The following MB21D2 variants were observed in gnomAD, a reference collection of about 807,000 sequenced individuals.
MB21D2 encodes nucleotidyltransferase MB21D2.
A neutral mutation model predicts 33.3 loss-of-function variants in MB21D2; 9 were observed. The ratio of observed to expected loss-of-function variants is 0.27; its 90% CI spans 0.16 to 0.47. The LOEUF is 0.47. Among genes scored for constraint, MB21D2 ranks in the 20% least tolerant of loss-of-function variants. The pLI is 0.99. For missense variants in MB21D2, 540 were observed against 624.6 expected (o/e 0.86, Z 1.44); for synonymous variants, 241 against 236.3 (o/e 1.02, Z -0.18).
intron 1 of MB21D2, among the ~76,000 whole-genome samples, chr3:192,899,292 G>A (rs945758036): frequency 7.2e-5 from 11 of 152,228 alleles, no homozygotes; most frequent in Non-Finnish European, 1.0e-4. Flanking sequence ...ACTTTGGGAA[G>A]CTGAGGTGGG....
rs190606523 is a variant in MB21D2 at position 192,810,898 on chromosome 3, T to C, written c.212-11248A>G. ...GAGTATGCTTGTGTGTGTGTGTGTGTGCGCACGCACATGTGCGTATGACTT... is the reference window on the plus strand; with the variant it reads ...GAGTATGCTTGTGTGTGTGTGTGTGCGCGCACGCACATGTGCGTATGACTT... On this transcript the variant is annotated intron_variant, in intron 1 of 1. Transcript: ENST00000392452. 2.2e-3 allele frequency among the ~76,000 whole-genome samples: 326 copies of C among 146,330 alleles called. 2 individuals carry two copies. Among genetic ancestry groups the C allele is most frequent in the African/African-American group, 4.4e-3 (172 of 39,316 alleles).
At chr3:192,838,428 CTTTT>C (rs55769534) in intron 1 of MB21D2, among the ~76,000 whole-genome samples, 2 of 124,136 alleles carry the variant, frequency 1.6e-5, no homozygotes. Flanking sequence ...AATCTGTGGA[CTTTT>C]TTTTTTTTTT....
intron 1 of MB21D2, among the ~76,000 whole-genome samples, chr3:192,914,723 A>T (rs1210892340): frequency 6.6e-6 from 1 of 152,078 alleles, no homozygotes; most frequent in Non-Finnish European, 1.5e-5. Context: ...AAAAAAAATC[A>T]GAATCTCTGT....
chr3:192,878,079 CTCTTTT>C (rs1160281227), intron 1 of MB21D2, among the ~76,000 whole-genome samples: 289 of 134,186 alleles, frequency 2.2e-3, no homozygotes, highest in Middle Eastern at 7.8e-3. Context: ...ACAATTCCTC[CTCTTTT>C]TTTTTTTTTT....
intron 1 of MB21D2, among the ~76,000 whole-genome samples, chr3:192,887,854 G>A (rs986021515): frequency 6.6e-6 from 1 of 152,058 alleles, no homozygotes; most frequent in Non-Finnish European, 1.5e-5. Flanking sequence ...GTCACCCTGG[G>A]ACCTTGTGGA....
chr3:192,880,550 C>A (rs923003816), intron 1 of MB21D2, among the ~76,000 whole-genome samples: 1 of 152,036 alleles, frequency 6.6e-6, no homozygotes, highest in African/African-American at 2.4e-5. Flanking sequence ...CATACTCCAA[C>A]CTTGCCTGTC....
chr3:192,802,225 GGGCCACTCAA>G (rs1251583869), intron 1 of MB21D2, among the ~76,000 whole-genome samples: 1 of 152,168 alleles, frequency 6.6e-6, no homozygotes, highest in Non-Finnish European at 1.5e-5. Flanking sequence ...ATACTCTGAA[GGGCCACTCAA>G]ACTCTGAGTT....
intron 1 of MB21D2, among the ~76,000 whole-genome samples, chr3:192,907,361 G>A (rs1400585841): frequency 9.9e-5 from 15 of 152,178 alleles, no homozygotes; most frequent in Admixed American, 9.2e-4. Flanking sequence ...GAGCAGAGAA[G>A]TCCAAAGGGG....
At chr3:192,812,234 G>A (rs769419155) in intron 1 of MB21D2, among the ~76,000 whole-genome samples, 4 of 152,004 alleles carry the variant, frequency 2.6e-5, no homozygotes, top group Non-Finnish European at 2.9e-5. Flanking sequence ...TTTCAGTAGA[G>A]ACAGGGTTTC....
intron 1 of MB21D2, among the ~76,000 whole-genome samples, chr3:192,818,996 T>G (rs2108615414): frequency 6.6e-6 from 1 of 152,256 alleles, no homozygotes; most frequent in South Asian, 2.1e-4. Context: ...AATTGAGTTT[T>G]TTTTTTGCTA....
At chr3:192,849,445 G>A (rs967751855) in intron 1 of MB21D2, among the ~76,000 whole-genome samples, 1 of 152,070 alleles carries the variant, frequency 6.6e-6, no homozygotes, top group African/African-American at 2.4e-5. Context: ...AGCTTCCTGA[G>A]TAGCTGGGAT....
chr3:192,872,168 G>C (rs1465613432), intron 1 of MB21D2, among the ~76,000 whole-genome samples: 2 of 152,138 alleles, frequency 1.3e-5, no homozygotes, highest in Non-Finnish European at 2.9e-5. Context: ...TTTCTAAAAA[G>C]GATTTGAGGT....
intron 1 of MB21D2, among the ~76,000 whole-genome samples, chr3:192,804,332 C>A (rs184722253): frequency 1.4e-5 from 2 of 139,856 alleles, no homozygotes; most frequent in African/African-American, 2.7e-5. Flanking sequence ...GTCTTTACAA[C>A]CCCACCCCAG....
chr3:192,845,240 T>A (rs1031948783), intron 1 of MB21D2, among the ~76,000 whole-genome samples: 1 of 152,216 alleles, frequency 6.6e-6, no homozygotes, highest in Non-Finnish European at 1.5e-5. Context: ...TTTCTTTCCC[T>A]TTATAATTAA....
At chr3:192,820,279 A>T (rs1019430637) in intron 1 of MB21D2, among the ~76,000 whole-genome samples, 3 of 152,160 alleles carry the variant, frequency 2.0e-5, no homozygotes, top group African/African-American at 7.2e-5. Flanking sequence ...AGATTGTAAA[A>T]AAGAAAACTA....
chr3:192,896,498 G>A (rs1044859835), intron 1 of MB21D2, among the ~76,000 whole-genome samples: 3 of 152,140 alleles, frequency 2.0e-5, no homozygotes, highest in Non-Finnish European at 2.9e-5. Context: ...AACAACAGGT[G>A]CATGCCACCA....
At chr3:192,835,435 G>A (rs1474873952) in intron 1 of MB21D2, among the ~76,000 whole-genome samples, 8 of 115,194 alleles carry the variant, frequency 6.9e-5, no homozygotes, top group East Asian at 5.6e-4. Context: ...CAGCCTGGGC[G>A]ACACAGCGAG....
intron 1 of MB21D2, among the ~76,000 whole-genome samples, chr3:192,884,964 T>C (rs1560250233): frequency 6.6e-6 from 1 of 152,104 alleles, no homozygotes; most frequent in Non-Finnish European, 1.5e-5. Flanking sequence ...GCAATTCTTC[T>C]GCTACATCTG....
intron 1 of MB21D2, among the ~76,000 whole-genome samples, chr3:192,850,647 G>A (rs1712780401): frequency 1.3e-5 from 2 of 152,150 alleles, no homozygotes; most frequent in Non-Finnish European, 2.9e-5. Flanking sequence ...CCTGCACGCT[G>A]CCGAATCAGC....
Sources: allele counts gnomAD v4.1 joint callset (sites outside exome capture counted in the v4.1 genomes callset), GRCh38; gene constraint gnomAD v4.1.1; transcripts MANE v1.5; gene names NCBI Gene and HGNC (gene_info 2026-07-23, HGNC 2026-07-21).